Variants in TTC34 observed in about 807,000 individuals in gnomAD.
TTC34 encodes tetratricopeptide repeat protein 34.
In TTC34, 44 loss-of-function variants were observed where a neutral mutation model predicts 40.7. That is an observed-to-expected ratio of 1.08 (90% CI 0.85 to 1.39). The LOEUF is 1.39. Ranked by LOEUF, TTC34 falls within the 40% of genes most tolerant of loss-of-function variation. The pLI is 0.00. For missense variants in TTC34, 884 were observed against 838.0 expected, an observed-to-expected ratio of 1.05 and a Z score of -0.68; for synonymous variants, 422 against 398.6, an observed-to-expected ratio of 1.06 and a Z score of -0.70.
chr1:2,688,105 A>C (rs1268063957), intron 6 of TTC34, among the ~76,000 whole-genome samples: 4 of 151,284 alleles, frequency 2.6e-5, no homozygotes, highest in South Asian at 2.1e-4. Context: ...TGCGCACGTG[A>C]CAGCCTGGAA....
At chr1:2,642,288 A>C (rs4648663) in intron 8 of TTC34, among the ~76,000 whole-genome samples, 136,379 of 152,202 alleles carry the variant, frequency 0.9, 61,416 homozygotes, top group East Asian at 1. Context: ...GGTTCCCTTG[A>C]CTGGGTGACC....
chr1:2,767,956 A>G (rs1158083602), intron 6 of TTC34, among the ~76,000 whole-genome samples: 4 of 150,324 alleles, frequency 2.7e-5, no homozygotes, highest in African/African-American at 4.9e-5. Context: ...ATGGCATGGA[A>G]CAGCACCCCC....
In TTC34 at chr1:2,660,158, G is replaced by C. The variant is rs11486038; in HGVS notation, c.2227-14595C>G. On this transcript the variant is annotated intron_variant, in intron 6 of 8. Coordinates refer to ENST00000401095, the Ensembl canonical transcript of TTC34. ...GGGTCGGCACCCACACCCCCAGGTG[G>C]GCATCTGATGGCCTGGAACAGCACC... 4.1e-3 allele frequency among the ~76,000 whole-genome samples: 29 copies of C among 7,122 alleles called. 2 individuals carry two copies. The highest frequency in any genetic ancestry group is 8.9e-3 in the South Asian group (1 of 112). The allele number at this position is 7,122 out of a possible 152,430, so 4.7% of individuals were successfully genotyped here.
chr1:2,651,672 C>T (rs1570751838), intron 6 of TTC34, among the ~76,000 whole-genome samples: 1 of 152,082 alleles, frequency 6.6e-6, no homozygotes, highest in Middle Eastern at 3.4e-3. Context: ...TGGGAAGTCA[C>T]CCCCACACCC....
At chr1:2,637,137 T>C (rs1638810656) in exon 9 of TTC34, 1 of 151,738 alleles carries the variant, frequency 6.6e-6, no homozygotes, top group South Asian at 2.1e-4. Flanking sequence ...GGGGAGTGCA[T>C]GCTGATTGGC....
At chr1:2,654,898 G>T (rs1441940202) in intron 6 of TTC34, among the ~76,000 whole-genome samples, 22 of 151,658 alleles carry the variant, frequency 1.5e-4, no homozygotes, top group African/African-American at 4.9e-4. Flanking sequence ...CCACACTCCA[G>T]GTGAGCATCT....
chr1:2,652,390 G>A (rs200569924), intron 6 of TTC34, among the ~76,000 whole-genome samples: 20 of 85,356 alleles, frequency 2.3e-4, no homozygotes, highest in East Asian at 5.6e-4. Flanking sequence ...CTGACAGCCT[G>A]GAGCAGCACG....
chr1:2,650,669 A>C (rs1002135767), intron 6 of TTC34, among the ~76,000 whole-genome samples: 2 of 151,932 alleles, frequency 1.3e-5, no homozygotes, highest in African/African-American at 4.8e-5. Flanking sequence ...CCACACCCCC[A>C]GGTGAGCATC....
chr1:2,686,294 T>C (rs1285523154), intron 6 of TTC34, among the ~76,000 whole-genome samples: 1 of 151,594 alleles, frequency 6.6e-6, no homozygotes, highest in Non-Finnish European at 1.5e-5. Context: ...CAGGCGAGCA[T>C]CTGAACGCAC....
intron 6 of TTC34, among the ~76,000 whole-genome samples, chr1:2,759,900 A>G (rs1641638063): frequency 6.8e-6 from 1 of 146,408 alleles, no homozygotes. Context: ...AGCATCTGAC[A>G]GCCTGGAACA....
rs1641644025 is a variant in TTC34, at chr1:2,760,022, GT to G, written c.2226+23586del. Among the ~76,000 whole-genome samples the G allele has an allele frequency of 4.0e-4, 49 of 122,748 alleles. 1 individual carries two copies. Among genetic ancestry groups the G allele is most frequent in the African/African-American group, 1.6e-3 (43 of 27,020 alleles). 80.5% of individuals were successfully genotyped at this position (122,748 alleles called of 152,430 possible). On this transcript the variant is annotated intron_variant, in intron 6 of 8. Transcript: ENST00000401095. ...CACAACCACAGGTGAGCATCGGAGA[GT>G]CCGGAGCAGCGCCCACACACCCAAG...
intron 6 of TTC34, among the ~76,000 whole-genome samples, chr1:2,685,324 A>G (rs1185534902): frequency 0.094 from 2,587 of 27,474 alleles, no homozygotes; most frequent in East Asian, 0.15. Context: ...CACACCCACA[A>G]GCGAGCATCT....
At chr1:2,789,330 C>T (rs1310673909) in intron 3 of TTC34, among the ~76,000 whole-genome samples, 173 bp downstream of exon 3, 2 of 152,252 alleles carry the variant, frequency 1.3e-5, no homozygotes, top group Non-Finnish European at 2.9e-5. Flanking sequence ...CATTTCCGGA[C>T]TGCGGCCCGG....
intron 6 of TTC34, among the ~76,000 whole-genome samples, chr1:2,694,906 CCA>C (rs1640788938): frequency 7.8e-6 from 1 of 127,990 alleles, no homozygotes; most frequent in African/African-American, 2.9e-5. Context: ...GGAACAGCAC[CCA>C]CACACTCACG....
At chr1:2,784,993 T>TCTGGGCCGCG (rs1233361328) in intron 5 of TTC34, among the ~76,000 whole-genome samples, 1 of 151,874 alleles carries the variant, frequency 6.6e-6, no homozygotes, top group African/African-American at 2.4e-5. Context: ...TCTGGGCTGC[T>TCTGGGCCGCG]CTGGGCCGCT....
At chr1:2,795,065 C>T (rs184746587) in intron 2 of TTC34, among the ~76,000 whole-genome samples, 117 of 148,202 alleles carry the variant, frequency 7.9e-4, no homozygotes, top group African/African-American at 2.7e-3. Flanking sequence ...GCCTGGGCAA[C>T]GTGGTGAGAC....
exon 3 of TTC34, chr1:2,789,952 C>T (rs1643643659): frequency 5.1e-6 from 2 of 392,790 alleles, no homozygotes; most frequent in South Asian, 1.3e-4. Context: ...GGCGCTCGCA[C>T]ATGGCCCGGG....
intron 6 of TTC34, among the ~76,000 whole-genome samples, chr1:2,648,304 G>A (rs1047680039): frequency 1.3e-5 from 2 of 152,188 alleles, no homozygotes; most frequent in Non-Finnish European, 2.9e-5. Flanking sequence ...CTGGGGGGCA[G>A]GTAGATTACT....
intron 6 of TTC34, among the ~76,000 whole-genome samples, chr1:2,698,655 C>T (rs1367495978): frequency 3.6e-5 from 1 of 27,772 alleles, no homozygotes; most frequent in Non-Finnish European, 5.8e-5. Context: ...CACCGCCAGG[C>T]CAGCATCCGC....
Sources: gnomAD v4.1 joint callset for allele counts (sites outside exome capture counted in the v4.1 genomes callset) on GRCh38, gnomAD v4.1.1 for gene constraint, MANE v1.5 for transcripts, NCBI Gene and HGNC (gene_info 2026-07-23, HGNC 2026-07-21) for gene names.